The following SLC14A2 variants were observed in gnomAD, a reference collection of about 807,000 sequenced individuals.
SLC14A2 encodes the protein urea transporter 2.
SLC14A2 carries 91 observed loss-of-function variants against 104.6 expected under a neutral mutation model. The observed-to-expected ratio is 0.87, with a 90% CI of 0.73 to 1.04. The LOEUF (loss-of-function observed/expected upper bound fraction) is 1.04. Among genes scored for constraint, SLC14A2 ranks in the 50% least tolerant of loss-of-function variants. The probability of loss-of-function intolerance (pLI) is 0.00; values close to 1 mark genes in which losing one functional copy is unlikely to be tolerated. For synonymous variants in SLC14A2, 476 were observed against 466.4 expected, an observed-to-expected ratio of 1.02 and a Z score of -0.27; for missense variants, 1,189 against 1,156.0, an observed-to-expected ratio of 1.03 and a Z score of -0.41.
rs1016279990 is a variant in SLC14A2, at chr18:45,644,288, C to A, written c.1351+128C>A. ...GCCTCTCCTTGCACCTGTGTAGAACCAAGCACACCTGTAACTTTCTTTCCC... is the reference window on the plus strand; with the variant it reads ...GCCTCTCCTTGCACCTGTGTAGAACAAAGCACACCTGTAACTTTCTTTCCC... On this transcript the variant is annotated intron_variant, in intron 10 of 19. Transcript: ENST00000255226. The A allele has an allele frequency of 3.8e-5, 29 of 772,942 alleles. No individual in the cohort carries two copies. The African/African-American group carries it at 4.0e-4, about 11-fold the overall frequency. 47.9% of individuals were successfully genotyped at this position (772,942 alleles called of 1,614,324 possible).
chr18:45,484,707 C>T (rs1025654882), intron 2 of SLC14A2, among the ~76,000 whole-genome samples: 1 of 152,140 alleles, frequency 6.6e-6, no homozygotes, highest in Non-Finnish European at 1.5e-5. Context: ...TTTCAAGATA[C>T]TAGCTTTCAA....
At chr18:45,179,273 C>T in the SLC14A2 span, among the ~76,000 whole-genome samples, 5 of 152,112 alleles carry the variant, frequency 3.3e-5, no homozygotes, top group African/African-American at 7.2e-5. Flanking sequence ...TGAGAAAGGT[C>T]GGAGAGGCCA....
chr18:45,391,005 T>G lies in SLC14A2; in HGVS notation c.-124-92228T>G, dbSNP rs541831963. Among the ~76,000 whole-genome samples the G allele has an allele frequency of 2.0e-5, 3 of 152,222 alleles. No individual in the cohort carries two copies. In the East Asian group the frequency reaches 5.8e-4, roughly 29 times the overall value. On this transcript the variant is annotated intron_variant, in intron 1 of 20. Coordinates refer to the SLC14A2 transcript ENST00000586448. ...CAGGTTTGTTACAGATGTATACATG[T>G]GCCATGTTGGTGTGCTGCATCCATT... is the stretch of plus-strand genomic sequence containing the variant.
At chr18:45,380,760 A>T (rs1413349251) in intron 1 of SLC14A2, among the ~76,000 whole-genome samples, 5 of 152,232 alleles carry the variant, frequency 3.3e-5, no homozygotes, top group Admixed American at 2.0e-4. Context: ...TAGGAGAGTA[A>T]CATGGCCTAG....
intron 1 of SLC14A2, among the ~76,000 whole-genome samples, chr18:45,296,643 C>G (rs1488915364): frequency 6.6e-6 from 1 of 152,156 alleles, no homozygotes; most frequent in Admixed American, 6.5e-5. Context: ...TAACTGTATT[C>G]CCCTGCTAGG....
chr18:45,262,737 C>T (rs1417308019), intron 1 of SLC14A2, among the ~76,000 whole-genome samples: 1 of 152,182 alleles, frequency 6.6e-6, no homozygotes, highest in Non-Finnish European at 1.5e-5. Flanking sequence ...GTCTTACTGT[C>T]ATTCCTTCAT....
intron 1 of SLC14A2, among the ~76,000 whole-genome samples, chr18:45,374,218 C>G (rs147264378): frequency 6.6e-6 from 1 of 152,328 alleles, no homozygotes; most frequent in Non-Finnish European, 1.5e-5. Flanking sequence ...AGCCTTGTCT[C>G]CATGCTGTCC....
intron 2 of SLC14A2, among the ~76,000 whole-genome samples, chr18:45,588,608 CT>C (rs1225365179): frequency 6.6e-6 from 1 of 152,198 alleles, no homozygotes; most frequent in East Asian, 1.9e-4. Flanking sequence ...GTTACTAAAA[CT>C]CCTCTCTGGT....
chr18:45,348,836 A>G (rs1266131975), intron 1 of SLC14A2, among the ~76,000 whole-genome samples: 1 of 152,232 alleles, frequency 6.6e-6, no homozygotes, highest in African/African-American at 2.4e-5. Flanking sequence ...AAGCTCAAGC[A>G]TCTGTTTCCT....
At chr18:45,397,438 T>A (rs1387511070) in intron 1 of SLC14A2, among the ~76,000 whole-genome samples, 1 of 152,240 alleles carries the variant, frequency 6.6e-6, no homozygotes, top group Non-Finnish European at 1.5e-5. Flanking sequence ...TCTTTTCATA[T>A]GTTTGTTGGC....
chr18:45,343,951 G>T (rs934640330), intron 1 of SLC14A2, among the ~76,000 whole-genome samples: 2 of 152,176 alleles, frequency 1.3e-5, no homozygotes, highest in African/African-American at 2.4e-5. Context: ...AGTCCCTGGA[G>T]GGGAAGTAGG....
intron 1 of SLC14A2, among the ~76,000 whole-genome samples, chr18:45,422,305 G>C (rs1039146265): frequency 1.3e-5 from 2 of 152,154 alleles, no homozygotes; most frequent in African/African-American, 4.8e-5. Context: ...ATAAAGGTGT[G>C]GTCTGTGAAT....
chr18:45,244,713 CAAGA>C (rs1463696003), intron 1 of SLC14A2, among the ~76,000 whole-genome samples: 1 of 151,988 alleles, frequency 6.6e-6, no homozygotes, highest in East Asian at 1.9e-4. Flanking sequence ...CCCAAATCAG[CAAGA>C]AAGATTATAT....
chr18:45,474,882 T>G (rs905706557), intron 1 of SLC14A2, among the ~76,000 whole-genome samples: 1 of 152,208 alleles, frequency 6.6e-6, no homozygotes, highest in Non-Finnish European at 1.5e-5. Flanking sequence ...TCTCCTTCAA[T>G]TCTGCTCTGA....
At chr18:45,308,302 C>A (rs964722796) in intron 1 of SLC14A2, among the ~76,000 whole-genome samples, 4 of 152,196 alleles carry the variant, frequency 2.6e-5, no homozygotes, top group African/African-American at 9.7e-5. Context: ...TCTCATTTTG[C>A]AGCTGAAGAA....
chr18:45,454,412 C>A (rs1826591157), intron 1 of SLC14A2, among the ~76,000 whole-genome samples: 1 of 152,156 alleles, frequency 6.6e-6, no homozygotes, highest in Non-Finnish European at 1.5e-5. Context: ...AGCCCTTTGT[C>A]AGATGGATAG....
At chr18:45,233,804 C>T (rs954481417) in intron 1 of SLC14A2, among the ~76,000 whole-genome samples, 4 of 149,256 alleles carry the variant, frequency 2.7e-5, no homozygotes, top group Non-Finnish European at 4.4e-5. Context: ...AGTGCCCCCA[C>T]CTAAAAGCAT....
intron 1 of SLC14A2, among the ~76,000 whole-genome samples, chr18:45,272,148 T>A (rs2084657709): frequency 6.6e-6 from 1 of 152,080 alleles, no homozygotes; most frequent in Non-Finnish European, 1.5e-5. Flanking sequence ...TTGGTGGGAA[T>A]GTAAATTAGT....
At chr18:45,583,733 A>C (rs1346787310) in intron 2 of SLC14A2, among the ~76,000 whole-genome samples, 1 of 152,186 alleles carries the variant, frequency 6.6e-6, no homozygotes, top group East Asian at 1.9e-4. Flanking sequence ...TGTGCTGGTA[A>C]GCCAGCTCTT....
Sources: gnomAD v4.1 joint callset for allele counts (sites outside exome capture counted in the v4.1 genomes callset) on GRCh38, gnomAD v4.1.1 for gene constraint, MANE v1.5 for transcripts, NCBI Gene and HGNC (gene_info 2026-07-23, HGNC 2026-07-21) for gene names.